The following MRTFB variants were observed in gnomAD, a reference collection of about 807,000 sequenced individuals.
The protein encoded by MRTFB is myocardin-related transcription factor B.
In MRTFB, 29 loss-of-function variants were observed where a neutral mutation model predicts 104.2. The ratio of observed to expected loss-of-function variants is 0.28; its 90% CI spans 0.21 to 0.38. The LOEUF (loss-of-function observed/expected upper bound fraction) is 0.38. Among genes scored for constraint, MRTFB ranks in the 10% least tolerant of loss-of-function variants. The probability of loss-of-function intolerance (pLI) is 1.00; values close to 1 mark genes in which losing one functional copy is unlikely to be tolerated. For missense variants in MRTFB, 1,270 were observed against 1,341.6 expected (o/e 0.95, Z 0.83); for synonymous variants, 535 against 519.5 (o/e 1.03, Z -0.41).
intron 9 of MRTFB, among the ~76,000 whole-genome samples, chr16:14,238,011 G>A (rs1295694632): frequency 2.0e-5 from 3 of 152,164 alleles, no homozygotes; most frequent in African/African-American, 7.2e-5. Context: ...TGTTTTTCCT[G>A]TAGCCACTTT....
intron 2 of MRTFB, among the ~76,000 whole-genome samples, 156 bp from the exon 3 acceptor site, chr16:14,140,388 T>C (rs1170105883): frequency 6.6e-6 from 1 of 152,188 alleles, no homozygotes; most frequent in Non-Finnish European, 1.5e-5. Flanking sequence ...TTATTCCTGT[T>C]AGATAAAGAA....
the MRTFB span, among the ~76,000 whole-genome samples, chr16:14,052,664 G>A: frequency 6.6e-6 from 1 of 151,718 alleles, no homozygotes; most frequent in Non-Finnish European, 1.5e-5. Flanking sequence ...TCTTGAAACT[G>A]GGAGGCAGAG....
At chr16:14,210,335 C>G in intron 4 of MRTFB, 27 bp downstream of exon 4, 1 of 1,581,382 alleles carries the variant, frequency 6.3e-7, no homozygotes, top group Non-Finnish European at 8.7e-7. Flanking sequence ...CACTGCCATC[C>G]CTAACGTGAC....
chr16:14,242,704 G>A lies in MRTFB; in HGVS notation c.1079+2220G>A, dbSNP rs549637766. 5.3e-5 allele frequency among the ~76,000 whole-genome samples: 8 copies of A among 152,214 alleles called. No individual in the cohort carries two copies. In the South Asian group the frequency reaches 1.7e-3, roughly 32 times the overall value. ...AGGCCACTGCATCCCTCTGAACGCA[G>A]GTCTCTCATCTGCCGATCACATTCG... On this transcript the variant is annotated intron_variant, in intron 10 of 16. Transcript: ENST00000571589.
the MRTFB span, among the ~76,000 whole-genome samples, chr16:14,060,360 C>T: frequency 6.6e-6 from 1 of 152,094 alleles, no homozygotes; most frequent in African/African-American, 2.4e-5. Context: ...TGCACCCAGT[C>T]TTGGGTCACA....
At chr16:14,240,748 C>T (rs759603937) in intron 10 of MRTFB, 2 of 777,856 alleles carry the variant, frequency 2.6e-6, no homozygotes, top group South Asian at 2.7e-5. Flanking sequence ...CCAGATTTGC[C>T]TATTATTAGA....
At chr16:14,238,252 A>C (rs1466602680) in intron 9 of MRTFB, among the ~76,000 whole-genome samples, 2 of 152,322 alleles carry the variant, frequency 1.3e-5, no homozygotes, top group East Asian at 3.9e-4. Flanking sequence ...ACTTAGCTCA[A>C]AACATCAGTA....
intron 3 of MRTFB, chr16:14,148,733 A>G (rs973317170): frequency 2.0e-5 from 3 of 152,604 alleles, no homozygotes; most frequent in Non-Finnish European, 4.4e-5. Context: ...AGCATGGGTA[A>G]GTCTAAGGTG....
At chr16:14,104,881 A>T (rs1272250685) in intron 2 of MRTFB, among the ~76,000 whole-genome samples, 2 of 152,162 alleles carry the variant, frequency 1.3e-5, no homozygotes, top group Non-Finnish European at 2.9e-5. Flanking sequence ...CATGTTGAAG[A>T]CATTGTAGCT....
intron 9 of MRTFB, among the ~76,000 whole-genome samples, chr16:14,238,549 G>C (rs1448828869): frequency 1.3e-5 from 2 of 152,156 alleles, no homozygotes; most frequent in Admixed American, 1.3e-4. Context: ...ACAAGATCTA[G>C]GCTATCATCA....
chr16:14,210,270 G>A lies in MRTFB; in HGVS notation c.182G>A (p.Arg61Lys). ...NVLQLRLQQR[R>K]TREQLVDQGI... is the part of the protein sequence containing the mutation. The stretch of plus-strand genomic sequence containing the variant: ...CTCCAGCTGAGGCTGCAACAAAGGA[G>A]GACGAGAGAACAACTAGTGGACCAG... The change falls in exon 4 of 17, where the codon AGG (arginine) becomes AAG (lysine). Residue 61 changes from arginine (R) to lysine (K), a missense_variant. Physicochemically the swap from Arg to Lys is conservative, Grantham distance 26. Around this residue, in one of 3 missense-constraint regions of MRTFB, gnomAD observed 64 missense variants for 152.9 expected, o/e 0.42. Coordinates refer to ENST00000571589, the MANE Select transcript of MRTFB (RefSeq NM_001308142.2). The A allele has an allele frequency of 6.2e-7, 1 of 1,613,322 alleles. No homozygotes were observed. Among genetic ancestry groups the A allele is most frequent in the Non-Finnish European group, 8.5e-7 (1 of 1,179,570 alleles).
At chr16:14,189,940 C>A (rs924571511) in intron 3 of MRTFB, among the ~76,000 whole-genome samples, 1 of 152,126 alleles carries the variant, frequency 6.6e-6, no homozygotes, top group African/African-American at 2.4e-5. Context: ...TTAGCAAACG[C>A]TGTAGGATTC....
intron 6 of MRTFB, among the ~76,000 whole-genome samples, chr16:14,215,647 T>C (rs1488443533): frequency 6.6e-6 from 1 of 152,242 alleles, no homozygotes; most frequent in Non-Finnish European, 1.5e-5. Flanking sequence ...GAGTAATTCT[T>C]ATGTTCTGAT....
At chr16:14,003,166 A>T in the MRTFB span, among the ~76,000 whole-genome samples, 1 of 152,114 alleles carries the variant, frequency 6.6e-6, no homozygotes, top group African/African-American at 2.4e-5. Flanking sequence ...CATCCTCCAC[A>T]ATGGCCCTCC....
intron 3 of MRTFB, among the ~76,000 whole-genome samples, chr16:14,195,978 TG>T (rs1392532601): frequency 2.0e-5 from 3 of 152,240 alleles, no homozygotes; most frequent in Non-Finnish European, 2.9e-5. Context: ...ATCAATTAAG[TG>T]GATGATTAAT....
the MRTFB span, among the ~76,000 whole-genome samples, chr16:14,017,645 A>ATG: frequency 2.0e-3 from 105 of 53,390 alleles, 7 homozygotes; most frequent in African/African-American, 6.9e-3. Flanking sequence ...ATATATGTAT[A>ATG]TATGTGTGTG....
At chr16:14,210,783 C>T (rs2041159520) in intron 4 of MRTFB, among the ~76,000 whole-genome samples, 1 of 152,158 alleles carries the variant, frequency 6.6e-6, no homozygotes, top group Admixed American at 6.5e-5. Flanking sequence ...GATAAACATT[C>T]CATTTATAAT....
At chr16:14,090,730 A>G (rs923781340) in intron 2 of MRTFB, among the ~76,000 whole-genome samples, 1 of 152,226 alleles carries the variant, frequency 6.6e-6, no homozygotes, top group African/African-American at 2.4e-5. Flanking sequence ...ATGTATGCCA[A>G]GTACACTAGC....
At chr16:14,057,521 G>A in the MRTFB span, among the ~76,000 whole-genome samples, 1 of 152,014 alleles carries the variant, frequency 6.6e-6, no homozygotes. Context: ...AGATCCTAGT[G>A]GAAACCTTTC....
Sources: gnomAD v4.1 joint callset for allele counts (sites outside exome capture counted in the v4.1 genomes callset) on GRCh38, gnomAD v4.1.1 for gene constraint, gnomAD v4.1.1 regional missense constraint, MANE v1.5 for transcripts, NCBI Gene and HGNC (gene_info 2026-07-23, HGNC 2026-07-21) for gene names.